Variants in AFAP1 observed in about 807,000 individuals in gnomAD.
The protein encoded by AFAP1 is actin filament-associated protein 1.
Under a neutral mutation model 93.9 loss-of-function variants are expected in AFAP1, and 75 were observed. The observed-to-expected ratio is 0.80, with a 90% confidence interval of 0.66 to 0.97. The LOEUF (loss-of-function observed/expected upper bound fraction) is 0.97. Among genes scored for constraint, AFAP1 ranks in the 50% least tolerant of loss-of-function variants. AFAP1 has a pLI of 0.00. For missense variants in AFAP1, 1,201 were observed against 1,050.8 expected, an observed-to-expected ratio of 1.14 and a Z score of -1.98; for synonymous variants, 517 against 430.7, an observed-to-expected ratio of 1.20 and a Z score of -2.48.
At chr4:7,801,914 CAAAAAA>C (rs531684652) in intron 9 of AFAP1, among the ~76,000 whole-genome samples, 36 of 65,198 alleles carry the variant, frequency 5.5e-4, no homozygotes, top group East Asian at 2.8e-3. Context: ...GACCCTATCA[CAAAAAA>C]AAAAAAAAAA....
intron 12 of AFAP1, among the ~76,000 whole-genome samples, chr4:7,784,194 A>AG (rs998534826): frequency 5.9e-5 from 9 of 152,046 alleles, no homozygotes; most frequent in Non-Finnish European, 1.3e-4. Flanking sequence ...GGATTGGCTG[A>AG]GGGGGAAAGG....
At position 7,819,160 on chromosome 4, in the gene AFAP1, T is replaced by A; in HGVS notation, c.738A>T (p.Glu246Asp). 1 of 1,611,378 alleles carries A rather than the reference T, an allele frequency of 6.2e-7. No individual in the cohort carries two copies. Among genetic ancestry groups the A allele is most frequent in the Non-Finnish European group, 8.5e-7 (1 of 1,179,246 alleles). The change falls in exon 7 of 18, where the codon GAA becomes GAT. Residue 246 changes from glutamate to aspartate, a missense_variant. Transcript: ENST00000420658. ...CGGGGCCACTACAACCACTGTAGGC[T>A]TCTTTGATCACCTATAAAAAGCACA... The part of the protein sequence containing the change: ...QAEQWLKVIK[E>D]AYSGCSGPVD...
At chr4:7,779,103 G>A in intron 13 of AFAP1, 1 of 521,536 alleles carries the variant, frequency 1.9e-6, no homozygotes, top group Non-Finnish European at 3.4e-6. Flanking sequence ...TGTAGGATGT[G>A]TTCCGCTGGA....
intron 17 of AFAP1, among the ~76,000 whole-genome samples, chr4:7,768,067 C>T (rs1318706358): frequency 6.6e-6 from 1 of 152,166 alleles, no homozygotes; most frequent in African/African-American, 2.4e-5. Context: ...GGAGCGAGGC[C>T]CTGCCTCAAA....
At chr4:7,919,594 T>A (rs1243067849) in intron 1 of AFAP1, among the ~76,000 whole-genome samples, 2 of 152,348 alleles carry the variant, frequency 1.3e-5, no homozygotes, top group East Asian at 3.9e-4. Flanking sequence ...ATTTTCTGTT[T>A]CACTGAATGA....
At chr4:7,782,120 T>A (rs1293595351) in intron 12 of AFAP1, among the ~76,000 whole-genome samples, 1 of 152,152 alleles carries the variant, frequency 6.6e-6, no homozygotes, top group Non-Finnish European at 1.5e-5. Flanking sequence ...ACCCGATGCT[T>A]TACACAGCAC....
chr4:7,889,033 C>G (rs1718287830), intron 1 of AFAP1, among the ~76,000 whole-genome samples: 1 of 152,116 alleles, frequency 6.6e-6, no homozygotes, highest in East Asian at 1.9e-4. Context: ...CTCAAGTGAT[C>G]TGCCCGCCTC....
chr4:7,866,323 A>C (rs1474625586), intron 3 of AFAP1, among the ~76,000 whole-genome samples: 1 of 152,074 alleles, frequency 6.6e-6, no homozygotes, highest in Admixed American at 6.5e-5. Context: ...CAGCCTCCCA[A>C]GTAGCTGGAC....
intron 1 of AFAP1, among the ~76,000 whole-genome samples, chr4:7,886,612 C>T (rs564775900): frequency 6.6e-6 from 1 of 152,192 alleles, no homozygotes; most frequent in Non-Finnish European, 1.5e-5. Flanking sequence ...GGAAATTAGC[C>T]TGACCCTTAA....
intron 16 of AFAP1, among the ~76,000 whole-genome samples, chr4:7,770,713 T>C (rs567268330): frequency 3.3e-5 from 5 of 152,226 alleles, no homozygotes; most frequent in Middle Eastern, 3.4e-3. Flanking sequence ...ATCGAGGCAC[T>C]GACCAGAGCC....
rs1402560595 is a variant in AFAP1 at position 7,939,295 on chromosome 4, G to A, written c.-3+361C>T. 2 of 312,726 alleles carry A rather than the reference G, an allele frequency of 6.4e-6. No homozygotes were observed. The highest frequency in any genetic ancestry group is 2.3e-5 in the African/African-American group (1 of 43,496). 19.4% of individuals were successfully genotyped at this position (312,726 alleles called of 1,614,324 possible). A position where few individuals can be genotyped will look rare whatever the true frequency, so the allele number is the denominator to read the frequency against. The stretch of plus-strand genomic sequence containing the variant: ...AGGGCGGCGGAGCCTCCCACTCTTG[G>A]TGACCCGGACCCCGCCCCACGAGTG... On this transcript the variant is annotated intron_variant, in intron 1 of 17. Coordinates refer to ENST00000420658, the MANE Select transcript of AFAP1 (RefSeq NM_001134647.2). The surrounding 1 kb of genome is among the most constrained non-coding windows in gnomAD (Gnocchi z 5.6).
At chr4:7,844,478 C>G (rs367583699) in intron 4 of AFAP1, among the ~76,000 whole-genome samples, 3 of 152,194 alleles carry the variant, frequency 2.0e-5, no homozygotes, top group Non-Finnish European at 4.4e-5. Context: ...CAGACTAATA[C>G]ACTAGGTCAA....
chr4:7,906,301 C>G (rs2149221536), intron 1 of AFAP1, among the ~76,000 whole-genome samples: 1 of 152,306 alleles, frequency 6.6e-6, no homozygotes, highest in African/African-American at 2.4e-5. Flanking sequence ...GAAAGCTGCC[C>G]TGCCTTTTTC....
rs779747052 is a variant in AFAP1 at position 7,939,691 on chromosome 4, G to C, written c.-38C>G. The C allele has an allele frequency of 4.8e-6, 2 of 416,346 alleles. No homozygotes were observed. The highest frequency in any genetic ancestry group is 9.5e-6 in the Non-Finnish European group (2 of 210,304). The allele number at this position is 416,346 out of a possible 1,614,324, so 25.8% of individuals were successfully genotyped here. A position where few individuals can be genotyped will look rare whatever the true frequency, so the allele number is the denominator to read the frequency against. On this transcript the variant is annotated 5_prime_UTR_variant, in exon 1 of 18. Coordinates refer to ENST00000420658, the MANE Select transcript of AFAP1 (RefSeq NM_001134647.2). This position sits in a 1 kb window ranked among gnomAD's most constrained non-coding sequence, Gnocchi z 5.6. ...CACCTCGCAGCGCTCGCTCCTCGCC[G>C]CGGCGCCTGGGCCGACTGGAGCGCA...
chr4:7,845,185 G>A (rs942877302), intron 4 of AFAP1, among the ~76,000 whole-genome samples: 21 of 152,286 alleles, frequency 1.4e-4, no homozygotes, highest in African/African-American at 4.8e-4. Flanking sequence ...CCTTTGGGAG[G>A]CCAAGGCGGG....
intron 6 of AFAP1, among the ~76,000 whole-genome samples, chr4:7,827,613 C>T (rs1445072095): frequency 8.0e-6 from 1 of 124,290 alleles, no homozygotes; most frequent in Non-Finnish European, 1.7e-5. Flanking sequence ...AAAAATGAGG[C>T]AAGAGAGGAC....
At chr4:7,794,132 C>T (rs564708458) in intron 10 of AFAP1, among the ~76,000 whole-genome samples, 2 of 152,256 alleles carry the variant, frequency 1.3e-5, no homozygotes, top group East Asian at 1.9e-4. Flanking sequence ...AATTGCATCC[C>T]GGCTGAAGGA....
rs1716779228 is a variant in AFAP1, at chr4:7,781,593, C to T, written c.1565G>A (p.Ser522Asn). 2 of 1,551,844 alleles carry T rather than the reference C, an allele frequency of 1.3e-6. No homozygotes were observed. Among genetic ancestry groups the T allele is most frequent in the African/African-American group, 2.7e-5 (2 of 73,168 alleles). ...EPEDGFPASCSRGLGEEVLYD... is the reference protein window; with the variant it reads ...EPEDGFPASCNRGLGEEVLYD... ...AAGCACCTCTTCTCCCAAGCCTCTG[C>T]TGCAGGAAGCAGGAAAGCCGTCTTC... Residue 522 changes from serine to asparagine, a missense_variant, in exon 13 of 18, where the codon AGC (serine) becomes AAC (asparagine). Coordinates refer to ENST00000420658, the MANE Select transcript of AFAP1 (RefSeq NM_001134647.2).
chr4:7,773,234 A>G (rs1481575022), intron 15 of AFAP1: 8 of 628,570 alleles, frequency 1.3e-5, no homozygotes, highest in African/African-American at 9.3e-5. Flanking sequence ...GGACCAGGAA[A>G]GAGGAGATGC....
Sources: gnomAD v4.1 joint callset for allele counts (sites outside exome capture counted in the v4.1 genomes callset) on GRCh38, gnomAD v4.1.1 for gene constraint, Gnocchi (gnomAD v3.1) non-coding constraint, MANE v1.5 for transcripts, NCBI Gene and HGNC (gene_info 2026-07-23, HGNC 2026-07-21) for gene names.